The following PARK7 variants were observed in gnomAD, a reference collection of about 807,000 sequenced individuals.
PARK7 encodes Parkinson disease protein 7.
PARK7 carries 14 observed loss-of-function variants against 20.5 expected under a neutral mutation model. That is an observed-to-expected ratio of 0.68 (90% CI 0.45 to 1.07). PARK7 has a LOEUF of 1.07. Ranked by LOEUF, PARK7 falls within the 50% of genes least tolerant of loss-of-function variation. The pLI is 0.00. For missense variants in PARK7, 234 were observed against 238.1 expected, an observed-to-expected ratio of 0.98 and a Z score of 0.11; for synonymous variants, 98 against 84.3, an observed-to-expected ratio of 1.16 and a Z score of -0.89.
intron 6 of PARK7, among the ~76,000 whole-genome samples, chr1:7,983,333 C>T (rs899117184): frequency 2.0e-5 from 3 of 152,236 alleles, no homozygotes; most frequent in African/African-American, 7.2e-5. Flanking sequence ...TTTGTCACTT[C>T]CCCCTCCGCT....
intron 5 of PARK7, among the ~76,000 whole-genome samples, chr1:7,973,901 T>G (rs1355561360): frequency 7.0e-6 from 1 of 142,726 alleles, no homozygotes; most frequent in Admixed American, 7.3e-5. Flanking sequence ...GAGCAAGACT[T>G]CGTTTCAAAA....
chr1:7,982,405 A>G (rs941781971), intron 6 of PARK7, among the ~76,000 whole-genome samples: 2 of 152,176 alleles, frequency 1.3e-5, no homozygotes, highest in Admixed American at 6.5e-5. Context: ...TGAATTCGCT[A>G]TAGGGTCACA....
At chr1:7,969,433 A>G (rs776121567) in intron 4 of PARK7, 29 bp downstream of exon 4, 35 of 960,330 alleles carry the variant, frequency 3.6e-5, no homozygotes, top group Admixed American at 5.5e-5. Flanking sequence ...TTATACCTCA[A>G]TAAAGCTGGG....
At chr1:7,970,706 T>G (rs1640447275) in intron 4 of PARK7, among the ~76,000 whole-genome samples, 188 bp from the exon 5 acceptor site, 1 of 152,282 alleles carries the variant, frequency 6.6e-6, no homozygotes. Context: ...AATGCCTTGC[T>G]TGGGTTTAAG....
At chr1:7,981,617 G>A (rs961913375) in intron 6 of PARK7, among the ~76,000 whole-genome samples, 3 of 151,996 alleles carry the variant, frequency 2.0e-5, no homozygotes, top group Non-Finnish European at 2.9e-5. Flanking sequence ...ACCTGGCCTC[G>A]GCCCTCAGGC....
intron 3 of PARK7, among the ~76,000 whole-genome samples, chr1:7,968,015 C>CTAAA (rs1640364433): frequency 6.6e-6 from 1 of 151,526 alleles, no homozygotes; most frequent in Non-Finnish European, 1.5e-5. Flanking sequence ...TTTTAAAGTA[C>CTAAA]TAAAGTATTG....
chr1:7,962,078 G>C (rs1640215334), intron 1 of PARK7: 1 of 152,376 alleles, frequency 6.6e-6, no homozygotes, highest in Admixed American at 6.5e-5. Flanking sequence ...GTTTTGCGTG[G>C]ACGGTAAACC....
rs997150764 is a variant in PARK7, at chr1:7,970,978, C to T, written c.322+15C>T. The T allele has an allele frequency of 5.0e-6, 8 of 1,613,986 alleles. No homozygotes were observed. Among genetic ancestry groups the T allele is most frequent in the Non-Finnish European group, 6.8e-6 (8 of 1,179,868 alleles). On this transcript the variant is annotated intron_variant, in intron 5 of 6. Coordinates refer to ENST00000338639, the MANE Select transcript of PARK7 (RefSeq NM_007262.5). ...CATCTGTGCAGGTGACGTGCAGGGG[C>T]AGCCTGTGTTGCAGCGTCATTGGTG...
Position 7,964,096 on chromosome 1 carries a change from A to C in PARK7, c.90+1221A>C, listed in dbSNP as rs1015280677. 3.0e-4 allele frequency among the ~76,000 whole-genome samples: 46 copies of C among 152,164 alleles called. 1 individual carries two copies. Among genetic ancestry groups the C allele is most frequent in the African/African-American group, 1.1e-3 (45 of 41,434 alleles). On this transcript the variant is annotated intron_variant, in intron 2 of 6. Transcript: ENST00000338639. ...CCAAAGTGCTGTGATTACAGATGTG[A>C]GCTACTGCACCCGCCCCCACGCATG...
intron 6 of PARK7, among the ~76,000 whole-genome samples, chr1:7,983,964 G>A (rs1195173339): frequency 6.6e-6 from 1 of 152,220 alleles, no homozygotes; most frequent in Non-Finnish European, 1.5e-5. Flanking sequence ...GTGATAGATT[G>A]TATCAATGCT....
intron 1 of PARK7, among the ~76,000 whole-genome samples, chr1:7,962,466 C>G (rs1360421143): frequency 6.6e-6 from 1 of 152,144 alleles, no homozygotes; most frequent in African/African-American, 2.4e-5. Context: ...TTTTAAAAAA[C>G]CCATTTGCAA....
intron 2 of PARK7, among the ~76,000 whole-genome samples, chr1:7,964,377 C>T (rs967298154): frequency 2.4e-4 from 37 of 152,282 alleles, no homozygotes; most frequent in African/African-American, 7.7e-4. Context: ...AACTCAGACC[C>T]AGGCAGCCTG....
Position 7,970,645 on chromosome 1 carries a change from A to G in PARK7, c.253-249A>G, listed in dbSNP as rs372825402. 6.9e-4 allele frequency among the ~76,000 whole-genome samples: 105 copies of G among 152,296 alleles called. 2 individuals carry two copies. The highest frequency in any genetic ancestry group is 2.4e-3 in the African/African-American group (101 of 41,570). ...CTGGAGTACAAAATGGCAAGGGTCA[A>G]ATTGCTTCTTCTGATCTTTAAATGT... is the stretch of plus-strand genomic sequence containing the variant. On this transcript the variant is annotated intron_variant, in intron 4 of 6. Coordinates refer to ENST00000338639, the MANE Select transcript of PARK7 (RefSeq NM_007262.5).
At position 7,985,186 on chromosome 1, in the gene PARK7, T is replaced by C. The variant is rs1427811261; in HGVS notation, c.*132T>C. 8.1e-7 allele frequency: 1 copy of C among 1,227,284 alleles called. No homozygotes were observed. The highest frequency in any genetic ancestry group is 1.2e-6 in the Non-Finnish European group (1 of 867,508). The allele number at this position is 1,227,284 out of a possible 1,614,324, so 76.0% of individuals were successfully genotyped here. A position where few individuals can be genotyped will look rare whatever the true frequency, so the allele number is the denominator to read the frequency against. On this transcript the variant is annotated 3_prime_UTR_variant, in exon 7 of 7. Transcript: ENST00000338639. ...TGTCCTTACTACTTTTGCGGAAGTA[T>C]GGAAGTCACAACTACACAGAGATTT...
Position 7,984,835 on chromosome 1 carries a change from A to G in PARK7, c.410-59A>G. On this transcript the variant is annotated intron_variant, in intron 6 of 6. Transcript: ENST00000338639. The surrounding 1 kb of genome is among the most constrained non-coding windows in gnomAD (Gnocchi z 4.3). ...TAATAGTGAATTTAATTGGTAAGTAATCGTCTTTCTCGTCACATAGCCCAT... is the reference window on the plus strand; with the variant it reads ...TAATAGTGAATTTAATTGGTAAGTAGTCGTCTTTCTCGTCACATAGCCCAT... 6.3e-7 allele frequency: 1 copy of G among 1,593,126 alleles called. No homozygotes were observed. The highest frequency in any genetic ancestry group is 2.2e-5 in the East Asian group (1 of 44,746).
intron 6 of PARK7, among the ~76,000 whole-genome samples, chr1:7,981,965 CTTTTTTTTTTTT>C (rs71567337): frequency 1.3e-4 from 11 of 84,376 alleles, no homozygotes; most frequent in Admixed American, 6.3e-4. Flanking sequence ...GCCCCCCCGC[CTTTTTTTTTTTT>C]TTTTTTTTTT....
chr1:7,983,341 G>A (rs1018241696), intron 6 of PARK7, among the ~76,000 whole-genome samples: 45 of 152,204 alleles, frequency 3.0e-4, no homozygotes, highest in African/African-American at 1.0e-3. Flanking sequence ...TTCCCCCTCC[G>A]CTAAATCTGT....
At chr1:7,968,048 G>C (rs1476272408) in intron 3 of PARK7, among the ~76,000 whole-genome samples, 1 of 151,854 alleles carries the variant, frequency 6.6e-6, no homozygotes, top group Non-Finnish European at 1.5e-5. Context: ...AGTGGTTCAC[G>C]CCTGTAATCC....
chr1:7,969,224 G>C (rs1640397903), intron 3 of PARK7, 121 bp from the exon 4 acceptor site: 1 of 745,786 alleles, frequency 1.3e-6, no homozygotes, highest in Non-Finnish European at 2.2e-6. Context: ...CTGTTCTATT[G>C]GCAGATAGGC....
Sources: allele counts gnomAD v4.1 joint callset (sites outside exome capture counted in the v4.1 genomes callset), GRCh38; gene constraint gnomAD v4.1.1; non-coding constraint Gnocchi (gnomAD v3.1); transcripts MANE v1.5; gene names NCBI Gene and HGNC (gene_info 2026-07-23, HGNC 2026-07-21).